The following CMTM8 variants were observed in gnomAD, a reference collection of about 807,000 sequenced individuals.
The protein encoded by CMTM8 is CKLF-like MARVEL transmembrane domain-containing protein 8.
A neutral mutation model predicts 18.6 loss-of-function variants in CMTM8; 12 were observed. The observed-to-expected ratio is 0.65, with a 90% CI of 0.41 to 1.05. CMTM8 has a LOEUF of 1.05. CMTM8 is among the 50% of genes least tolerant of loss of function. The pLI, the probability that CMTM8 is intolerant of heterozygous loss-of-function variation, is 0.00. For synonymous variants in CMTM8, 87 were observed against 90.6 expected (o/e 0.96, Z 0.23); for missense variants, 217 against 227.2 (o/e 0.95, Z 0.29).
At chr3:32,280,779 G>A (rs539814586) in intron 1 of CMTM8, among the ~76,000 whole-genome samples, 2 of 150,722 alleles carry the variant, frequency 1.3e-5, no homozygotes, top group South Asian at 4.3e-4. Context: ...CTGGTACCTG[G>A]GGTGGAGTCG....
intron 1 of CMTM8, among the ~76,000 whole-genome samples, chr3:32,342,804 G>A (rs1281629057): frequency 2.0e-5 from 3 of 152,200 alleles, no homozygotes; most frequent in African/African-American, 7.2e-5. Flanking sequence ...AATAATATTA[G>A]CATAGTAGTA....
chr3:32,353,481 G>A (rs1420674545), intron 1 of CMTM8, among the ~76,000 whole-genome samples: 3 of 152,122 alleles, frequency 2.0e-5, no homozygotes, highest in African/African-American at 7.2e-5. Flanking sequence ...TATCAATAGG[G>A]GATTGGTTAC....
rs1188554782 is a variant in CMTM8 at position 32,358,298 on chromosome 3, A to T, written c.321+752A>T. ...CCTGGAGATCGAACACACACATCCTAAGTGGATTCACAGAGATGGAAAGTG... is the reference window on the plus strand; with the variant it reads ...CCTGGAGATCGAACACACACATCCTTAGTGGATTCACAGAGATGGAAAGTG... On this transcript the variant is annotated intron_variant, in intron 2 of 3. Transcript: ENST00000307526. This position sits in a 1 kb window ranked among gnomAD's most constrained non-coding sequence, Gnocchi z 4.1. Among the ~76,000 whole-genome samples, 1 of 152,226 alleles carries T rather than the reference A, an allele frequency of 6.6e-6. No individual in the cohort carries two copies. Among genetic ancestry groups the T allele is most frequent in the Non-Finnish European group, 1.5e-5 (1 of 68,044 alleles).
chr3:32,251,352 T>A (rs1228413015), intron 1 of CMTM8, among the ~76,000 whole-genome samples: 1 of 152,150 alleles, frequency 6.6e-6, no homozygotes, highest in Non-Finnish European at 1.5e-5. Flanking sequence ...CTCACTCTGT[T>A]GCCCAGGCTG....
intron 1 of CMTM8, among the ~76,000 whole-genome samples, chr3:32,311,806 C>T (rs1575171084): frequency 1.3e-5 from 2 of 152,314 alleles, no homozygotes; most frequent in East Asian, 3.9e-4. Context: ...CACCAGACTG[C>T]CCCTGCCCAC....
intron 2 of CMTM8, among the ~76,000 whole-genome samples, chr3:32,365,942 C>A (rs1455888840): frequency 1.3e-5 from 2 of 151,470 alleles, no homozygotes; most frequent in South Asian, 2.1e-4. Flanking sequence ...CTTCACATAT[C>A]CCTCCTTCAT....
intron 1 of CMTM8, among the ~76,000 whole-genome samples, chr3:32,329,409 C>T (rs75286878): frequency 0.062 from 9,420 of 152,170 alleles, 463 homozygotes; most frequent in East Asian, 0.24. Flanking sequence ...CCAAATTCAA[C>T]GTAGTAAAAG....
intron 1 of CMTM8, among the ~76,000 whole-genome samples, chr3:32,282,418 A>G (rs1575158605): frequency 6.6e-6 from 1 of 152,194 alleles, no homozygotes; most frequent in Non-Finnish European, 1.5e-5. Flanking sequence ...TATTGACTGG[A>G]TATTGGATAT....
chr3:32,268,709 A>C (rs959392430), intron 1 of CMTM8, among the ~76,000 whole-genome samples: 1 of 152,146 alleles, frequency 6.6e-6, no homozygotes, highest in Non-Finnish European at 1.5e-5. Context: ...CCAGCTTTGT[A>C]GGTAGAGTGG....
chr3:32,319,074 A>ATTTTTT lies in CMTM8; in HGVS notation c.148-38283_148-38278dup, dbSNP rs1177949113. Reference sequence around the variant, plus strand: ...TGTATATACATATATATATATATATATTTTTTTTTTTTTTTTTTTTTGAGA... The same window carrying ATTTTTT: ...TGTATATACATATATATATATATATATTTTTTTTTTTTTTTTTTTTTTTTTTTGAGA... On this transcript the variant is annotated intron_variant, in intron 1 of 3. Transcript: ENST00000307526. 2.8e-3 allele frequency among the ~76,000 whole-genome samples: 88 copies of ATTTTTT among 31,528 alleles called. 6 individuals are homozygous for ATTTTTT. Among genetic ancestry groups the ATTTTTT allele is most frequent in the African/African-American group, 6.7e-3 (44 of 6,546 alleles). The allele number at this position is 31,528 out of a possible 152,430, so 20.7% of individuals were successfully genotyped here.
intron 1 of CMTM8, among the ~76,000 whole-genome samples, chr3:32,260,668 G>GTT (rs33991032): frequency 0.013 from 1,839 of 136,416 alleles, 23 homozygotes; most frequent in African/African-American, 0.027. Context: ...TTTTTTTAAA[G>GTT]TTTTTTTTTT....
intron 1 of CMTM8, among the ~76,000 whole-genome samples, chr3:32,284,428 C>T (rs1037109345): frequency 1.3e-5 from 2 of 152,186 alleles, no homozygotes; most frequent in African/African-American, 4.8e-5. Flanking sequence ...AGCCCAGTGC[C>T]CAGGGAAGCG....
rs561615591 is a variant in CMTM8 at position 32,325,567 on chromosome 3, A to T, written c.148-31806A>T. Among the ~76,000 whole-genome samples, 40 of 152,268 alleles carry T rather than the reference A, an allele frequency of 2.6e-4. No homozygotes were observed. In the South Asian group the frequency reaches 7.5e-3, roughly 28 times the overall value. ...AAACTATCTCACGCCTCTGAGAGTG[A>T]ACTTACTCTCTCAGGGGTCTTAAGG... On this transcript the variant is annotated intron_variant, in intron 1 of 3. Transcript: ENST00000307526.
At chr3:32,363,256 G>A (rs1696970238) in intron 2 of CMTM8, among the ~76,000 whole-genome samples, 1 of 152,178 alleles carries the variant, frequency 6.6e-6, no homozygotes, top group Non-Finnish European at 1.5e-5. Flanking sequence ...TGTGCCCCAG[G>A]TTCCTCCTTT....
At chr3:32,245,329 C>T (rs922188282) in intron 1 of CMTM8, among the ~76,000 whole-genome samples, 1 of 152,204 alleles carries the variant, frequency 6.6e-6, no homozygotes, top group East Asian at 1.9e-4. Context: ...TTGTCAAAAT[C>T]GCTTGCTCTG....
At chr3:32,259,278 G>C in intron 1 of CMTM8, 1 of 654,042 alleles carries the variant, frequency 1.5e-6, no homozygotes, top group Non-Finnish European at 2.8e-6. Context: ...GGAGGCTGGA[G>C]AGCAAAATCC....
At chr3:32,350,343 T>A (rs1696681187) in intron 1 of CMTM8, among the ~76,000 whole-genome samples, 1 of 151,588 alleles carries the variant, frequency 6.6e-6, no homozygotes, top group Admixed American at 6.6e-5. Context: ...TATCCATTGT[T>A]CATATGTGTT....
intron 2 of CMTM8, among the ~76,000 whole-genome samples, chr3:32,362,553 C>T (rs1484628635): frequency 2.0e-5 from 3 of 152,170 alleles, no homozygotes; most frequent in Non-Finnish European, 2.9e-5. Flanking sequence ...AGTTGTGAAC[C>T]TTGGAGTCTG....
intron 1 of CMTM8, chr3:32,258,937 A>G (rs367878311): frequency 2.1e-4 from 66 of 318,668 alleles, no homozygotes; most frequent in African/African-American, 1.3e-3. Context: ...GCCCCCGGAC[A>G]GCGTGAGCTT....
Sources: gnomAD v4.1 joint callset for allele counts (sites outside exome capture counted in the v4.1 genomes callset) on GRCh38, gnomAD v4.1.1 for gene constraint, Gnocchi (gnomAD v3.1) non-coding constraint, MANE v1.5 for transcripts, NCBI Gene and HGNC (gene_info 2026-07-23, HGNC 2026-07-21) for gene names.